The following XXYLT1 variants were observed in gnomAD, a reference collection of about 807,000 sequenced individuals.
The protein encoded by XXYLT1 is UDP-xylose:alpha-xyloside alpha-1,3-xylosyltransferase.
A neutral mutation model predicts 28.9 loss-of-function variants in XXYLT1; 20 were observed. That is an observed-to-expected ratio of 0.69 (90% CI 0.49 to 1.00). XXYLT1 has a LOEUF of 1.00. Ranked by LOEUF, XXYLT1 falls within the 50% of genes least tolerant of loss-of-function variation. The pLI is 0.00. For synonymous variants in XXYLT1, 257 were observed against 253.8 expected, an observed-to-expected ratio of 1.01 and a Z score of -0.12; for missense variants, 542 against 560.1, an observed-to-expected ratio of 0.97 and a Z score of 0.33.
chr3:195,130,230 C>T lies in XXYLT1; in HGVS notation c.785+26219G>A, dbSNP rs1718836143. Among the ~76,000 whole-genome samples the T allele has an allele frequency of 1.3e-5, 2 of 152,218 alleles. 1 individual carries two copies. Among genetic ancestry groups the T allele is most frequent in the South Asian group, 4.1e-4 (2 of 4,836 alleles). On this transcript the variant is annotated intron_variant, in intron 3 of 3. Transcript: ENST00000310380. ...ACCCTCAGGTACAGCCCCAGCATGC[C>T]CACCAACAGGTAGGAGCTGCCCATT...
intron 2 of XXYLT1, among the ~76,000 whole-genome samples, chr3:195,225,965 C>T (rs1724031625): frequency 6.6e-6 from 1 of 152,164 alleles, no homozygotes; most frequent in Non-Finnish European, 1.5e-5. Flanking sequence ...AACCTCTTTC[C>T]TTTATAAATC....
At chr3:195,086,050 G>C (rs1014507711) in intron 3 of XXYLT1, 1 of 152,152 alleles carries the variant, frequency 6.6e-6, no homozygotes, top group Non-Finnish European at 1.5e-5. Context: ...TGCATTAAAG[G>C]CCATTTGTAC....
In XXYLT1 at chr3:195,173,220, C is replaced by T. The variant is rs753680846; in HGVS notation, c.653-16639G>A. Among the ~76,000 whole-genome samples the T allele has an allele frequency of 2.6e-5, 4 of 152,240 alleles. No homozygotes were observed. Among genetic ancestry groups the T allele is most frequent in the Admixed American group, 1.3e-4 (2 of 15,288 alleles). ...GCTCTCCCACTAGGGAACCGCATCT[C>T]CCCTGCATTTTAGGTCCCCTGGCTA... On this transcript the variant is annotated intron_variant, in intron 2 of 3. Coordinates refer to ENST00000310380, the MANE Select transcript of XXYLT1 (RefSeq NM_152531.5). This position sits in a 1 kb window ranked among gnomAD's most constrained non-coding sequence, Gnocchi z 4.3.
At chr3:195,152,801 A>C (rs1720349510) in intron 3 of XXYLT1, 1 of 152,224 alleles carries the variant, frequency 6.6e-6, no homozygotes, top group Non-Finnish European at 1.5e-5. Flanking sequence ...GGGAGATCCA[A>C]ATCTATTCCT....
At position 195,078,085 on chromosome 3, in the gene XXYLT1, G is replaced by T. The variant is rs917278174; in HGVS notation, c.786-7974C>A. ...AAGCCTGGATCCCTACTCAGACGGC[G>T]GAGCCAGAAACAGCCATGGCGGAGC... On this transcript the variant is annotated intron_variant, in intron 3 of 3. Coordinates refer to ENST00000310380, the MANE Select transcript of XXYLT1 (RefSeq NM_152531.5). This position sits in a 1 kb window ranked among gnomAD's most constrained non-coding sequence, Gnocchi z 5.0. Among the ~76,000 whole-genome samples the T allele has an allele frequency of 6.6e-6, 1 of 152,256 alleles. No individual in the cohort carries two copies. Among genetic ancestry groups the T allele is most frequent in the Non-Finnish European group, 1.5e-5 (1 of 68,008 alleles).
intron 3 of XXYLT1, among the ~76,000 whole-genome samples, chr3:195,083,064 C>T (rs1390516797): frequency 2.0e-5 from 3 of 152,306 alleles, no homozygotes; most frequent in Non-Finnish European, 4.4e-5. Context: ...CTCAACCCTC[C>T]GGAGGATGAA....
intron 3 of XXYLT1, among the ~76,000 whole-genome samples, chr3:195,116,260 CAAGT>C (rs775596991): frequency 4.6e-5 from 7 of 152,184 alleles, no homozygotes; most frequent in East Asian, 3.8e-4. Context: ...CATTTCTGGG[CAAGT>C]AAGTTCTAAG....
chr3:195,200,656 A>C (rs752644309), intron 2 of XXYLT1, among the ~76,000 whole-genome samples: 2 of 152,218 alleles, frequency 1.3e-5, no homozygotes, highest in Non-Finnish European at 2.9e-5. Flanking sequence ...GGAATCTAGG[A>C]CTATACTGCA....
At chr3:195,258,089 C>G (rs549831054) in intron 1 of XXYLT1, among the ~76,000 whole-genome samples, 26 of 152,296 alleles carry the variant, frequency 1.7e-4, no homozygotes, top group Non-Finnish European at 3.5e-4. Flanking sequence ...CTGCAGAATC[C>G]CACGCTGACC....
rs547912593 is a variant in XXYLT1, at chr3:195,259,618, C to A, written c.504+10937G>T. ...CCTCATCTCACCGCGAGGACAGTCG[C>A]GTGCGACAGGCCTGTAAGGTGGCAT... On this transcript the variant is annotated intron_variant, in intron 1 of 3. Transcript: ENST00000310380. 47 of 985,490 alleles carry A rather than the reference C, an allele frequency of 4.8e-5. 1 individual carries two copies. In the East Asian group the frequency reaches 4.5e-3, roughly 95 times the overall value. The allele number at this position is 985,490 out of a possible 1,614,324, so 61.0% of individuals were successfully genotyped here.
rs140679632 is a variant in XXYLT1, at chr3:195,220,474, G to A, written c.652+6235C>T. Among the ~76,000 whole-genome samples, 16 of 152,150 alleles carry A rather than the reference G, an allele frequency of 1.1e-4. No individual in the cohort carries two copies. In the East Asian group the frequency reaches 3.1e-3, roughly 30 times the overall value. On this transcript the variant is annotated intron_variant, in intron 2 of 3. Coordinates refer to ENST00000310380, the MANE Select transcript of XXYLT1 (RefSeq NM_152531.5). The stretch of plus-strand genomic sequence containing the variant: ...CATGCTCTTAACCACGACACCATAG[G>A]GCCTCTTTTAAATAACCTCCCAAGA...
chr3:195,073,738 A>C (rs973785050), intron 3 of XXYLT1, among the ~76,000 whole-genome samples: 1 of 152,212 alleles, frequency 6.6e-6, no homozygotes, highest in South Asian at 2.1e-4. Context: ...AAGCTTTAAG[A>C]ACATTCTTCC....
chr3:195,232,763 T>C (rs949392354), intron 1 of XXYLT1, among the ~76,000 whole-genome samples: 4 of 152,234 alleles, frequency 2.6e-5, no homozygotes, highest in Admixed American at 2.0e-4. Context: ...ATTTCAGTTT[T>C]TTGGAATGTT....
At chr3:195,123,270 AT>A (rs1399883676) in intron 3 of XXYLT1, among the ~76,000 whole-genome samples, 1 of 151,746 alleles carries the variant, frequency 6.6e-6, no homozygotes, top group Non-Finnish European at 1.5e-5. Flanking sequence ...TAGTGGACAA[AT>A]CCCCCCAGCA....
chr3:195,106,537 T>C (rs1218650379), intron 3 of XXYLT1, among the ~76,000 whole-genome samples: 2 of 152,050 alleles, frequency 1.3e-5, no homozygotes, highest in African/African-American at 4.8e-5. Flanking sequence ...GGGGCTGCGG[T>C]GGGAGGGCCC....
At chr3:195,082,155 G>C (rs58646838) in intron 3 of XXYLT1, among the ~76,000 whole-genome samples, 6,746 of 152,298 alleles carry the variant, frequency 0.044, 232 homozygotes, top group East Asian at 0.19. Context: ...GGGGCATCTG[G>C]GTGGTTTCCA....
At chr3:195,218,987 A>G (rs1251341037) in intron 2 of XXYLT1, among the ~76,000 whole-genome samples, 3 of 151,674 alleles carry the variant, frequency 2.0e-5, no homozygotes, top group African/African-American at 7.3e-5. Context: ...ATGCAGCCAT[A>G]AAAAATGATG....
intron 3 of XXYLT1, among the ~76,000 whole-genome samples, chr3:195,141,884 T>C (rs1719512476): frequency 6.6e-6 from 1 of 152,254 alleles, no homozygotes; most frequent in African/African-American, 2.4e-5. Context: ...ACTCACTCCA[T>C]GGCTAATGCA....
At chr3:195,144,908 A>G (rs533401609) in intron 3 of XXYLT1, among the ~76,000 whole-genome samples, 1 of 152,304 alleles carries the variant, frequency 6.6e-6, no homozygotes, top group African/African-American at 2.4e-5. Context: ...TACCGGCAGA[A>G]GAAATAGGGG....
Sources: allele counts gnomAD v4.1 joint callset (sites outside exome capture counted in the v4.1 genomes callset), GRCh38; gene constraint gnomAD v4.1.1; non-coding constraint Gnocchi (gnomAD v3.1); transcripts MANE v1.5; gene names NCBI Gene and HGNC (gene_info 2026-07-23, HGNC 2026-07-21).